CCDC3: variants seen among roughly 807,000 people sequenced by gnomAD.
CCDC3 encodes coiled-coil domain-containing protein 3.
A neutral mutation model predicts 21.4 loss-of-function variants in CCDC3; 24 were observed. That is an observed-to-expected ratio of 1.12 (90% CI 0.81 to 1.58). The LOEUF is 1.58. CCDC3 is among the 40% of genes most tolerant of loss of function. CCDC3 has a pLI of 0.00. For synonymous variants in CCDC3, 186 were observed against 166.0 expected (o/e 1.12, Z -0.93); for missense variants, 425 against 360.9 (o/e 1.18, Z -1.44).
At chr10:13,058,670 A>C in intron 4 of CCDC3, 1 of 498,552 alleles carries the variant, frequency 2.0e-6, no homozygotes, top group Middle Eastern at 6.0e-4. Context: ...ACTTTAACAA[A>C]CCCCACCCTG....
chr10:13,010,426 C>G (rs1835970875), intron 5 of CCDC3, among the ~76,000 whole-genome samples: 1 of 152,136 alleles, frequency 6.6e-6, no homozygotes, highest in Non-Finnish European at 1.5e-5. Flanking sequence ...TGAGATACTC[C>G]TACACATCTA....
At chr10:13,074,698 G>A (rs1283147035) in intron 3 of CCDC3, among the ~76,000 whole-genome samples, 1 of 151,546 alleles carries the variant, frequency 6.6e-6, no homozygotes, top group Non-Finnish European at 1.5e-5. Flanking sequence ...GCACAAATAC[G>A]CGTGCACACA....
chr10:12,955,443 T>G (rs1431659683), intron 2 of CCDC3, among the ~76,000 whole-genome samples: 1 of 152,242 alleles, frequency 6.6e-6, no homozygotes, highest in East Asian at 1.9e-4. Flanking sequence ...TTTCCAGGCC[T>G]GCCCACAGTT....
chr10:12,944,233 C>T (rs1481841743), intron 2 of CCDC3, among the ~76,000 whole-genome samples: 1 of 152,210 alleles, frequency 6.6e-6, no homozygotes, highest in African/African-American at 2.4e-5. Context: ...CCTTCCCTTA[C>T]TAGAGTCTGA....
At chr10:12,982,496 A>C (rs1272807387) in intron 2 of CCDC3, among the ~76,000 whole-genome samples, 1 of 151,978 alleles carries the variant, frequency 6.6e-6, no homozygotes, top group Non-Finnish European at 1.5e-5. Flanking sequence ...TTTTTACCAT[A>C]ATTAAAAAAA....
At chr10:12,963,374 C>T (rs2580884) in intron 2 of CCDC3, among the ~76,000 whole-genome samples, 149,969 of 152,244 alleles carry the variant, frequency 0.99, 73,915 homozygotes, top group Middle Eastern at 1. Flanking sequence ...TTGAGACTTA[C>T]CAAATCCACA....
At chr10:13,020,303 A>G (rs1039899552) in intron 5 of CCDC3, among the ~76,000 whole-genome samples, 1 of 152,226 alleles carries the variant, frequency 6.6e-6, no homozygotes, top group East Asian at 1.9e-4. Flanking sequence ...ATTCCCATGA[A>G]TTCTAAATTG....
rs775011199 is a variant in CCDC3 at position 12,998,403 on chromosome 10, T to C, written c.484A>G (p.Asn162Asp). 1.2e-6 allele frequency: 2 copies of C among 1,614,106 alleles called. No individual in the cohort carries two copies. Among genetic ancestry groups the C allele is most frequent in the African/African-American group, 1.3e-5 (1 of 74,926 alleles). ...RMFSSLFQFS[N>D]CSQGQQLATF... ...GCCAGCTGCTGCCCTTGCGAACAGT[T>C]TGAAAACTGGAAAAGGCTAGAAAAC... Residue 162 changes from asparagine (N) to aspartate (D), a missense_variant, in exon 2 of 3, where the codon AAC becomes GAC. By Grantham distance (23) the Asn-to-Asp change is conservative (BLOSUM62 1). Transcript: ENST00000378825.
In CCDC3 at chr10:12,972,650, C is replaced by G. The variant is rs140801216; in HGVS notation, c.549+25688G>C. Among the ~76,000 whole-genome samples the G allele has an allele frequency of 2.9e-3, 443 of 152,264 alleles. 9 individuals are homozygous for G. The East Asian group carries it at 0.047, about 16-fold the overall frequency. ...TGACCAACATGGTGAAACCCCGTCT[C>G]TACTAAAAATTCAAAACTTAGCTCA... On this transcript the variant is annotated intron_variant, in intron 2 of 2. Transcript: ENST00000378825.
Position 12,986,290 on chromosome 10 carries a change from A to T in CCDC3, c.549+12048T>A, listed in dbSNP as rs146265350. On this transcript the variant is annotated intron_variant, in intron 2 of 2. Coordinates refer to ENST00000378825, the MANE Select transcript of CCDC3 (RefSeq NM_031455.4). ...AAATGAGTGCCTGTGTAATGACTGAATACTAACATCTGAATAAACTCTGCA... is the reference window on the plus strand; with the variant it reads ...AAATGAGTGCCTGTGTAATGACTGATTACTAACATCTGAATAAACTCTGCA... Among the ~76,000 whole-genome samples, 42 of 152,318 alleles carry T rather than the reference A, an allele frequency of 2.8e-4. No individual in the cohort carries two copies. The East Asian group carries it at 5.4e-3, about 20-fold the overall frequency.
At chr10:13,031,576 C>T (rs974657425) in intron 5 of CCDC3, among the ~76,000 whole-genome samples, 2 of 151,684 alleles carry the variant, frequency 1.3e-5, no homozygotes, top group African/African-American at 4.8e-5. Context: ...TTGAAAAAAT[C>T]GACAAAATAG....
chr10:13,089,737 TAA>T (rs1190584937), intron 3 of CCDC3, among the ~76,000 whole-genome samples: 3 of 150,826 alleles, frequency 2.0e-5, no homozygotes, highest in African/African-American at 7.3e-5. Flanking sequence ...GTTACAGGGA[TAA>T]GTTTTTTACT....
chr10:13,040,136 G>A (rs1432080640), intron 5 of CCDC3, among the ~76,000 whole-genome samples: 1 of 152,094 alleles, frequency 6.6e-6, no homozygotes, highest in Non-Finnish European at 1.5e-5. Flanking sequence ...CAGGAAAGAT[G>A]GGCATGAGAG....
At chr10:13,063,827 C>A (rs995411057) in intron 4 of CCDC3, among the ~76,000 whole-genome samples, 1 of 152,168 alleles carries the variant, frequency 6.6e-6, no homozygotes, top group African/African-American at 2.4e-5. Context: ...TATGTTCTAG[C>A]TCTCTGCGAT....
intron 3 of CCDC3, among the ~76,000 whole-genome samples, chr10:13,088,408 G>A (rs1341837818): frequency 6.6e-6 from 1 of 152,228 alleles, no homozygotes; most frequent in Non-Finnish European, 1.5e-5. Flanking sequence ...ATAAACACAA[G>A]AAAGGGACGT....
chr10:13,001,151 G>C, intron 1 of CCDC3, 46 bp downstream of exon 1: 1 of 1,526,112 alleles, frequency 6.6e-7, no homozygotes, highest in Non-Finnish European at 8.8e-7. Context: ...ACCTCGGGAG[G>C]TGGCGCAGAG....
At chr10:12,987,799 G>A (rs576478191) in intron 2 of CCDC3, among the ~76,000 whole-genome samples, 4 of 152,200 alleles carry the variant, frequency 2.6e-5, no homozygotes, top group Non-Finnish European at 5.9e-5. Context: ...AGTGACAGCA[G>A]TGGTCTGTGA....
intron 2 of CCDC3, among the ~76,000 whole-genome samples, chr10:12,974,528 C>G (rs2248161): frequency 0.57 from 86,462 of 152,084 alleles, 24,599 homozygotes; most frequent in South Asian, 0.65. Context: ...TCTGTTCTAT[C>G]CACCTAAACT....
chr10:13,090,680 G>A (rs1832555399), intron 3 of CCDC3, among the ~76,000 whole-genome samples: 1 of 152,192 alleles, frequency 6.6e-6, no homozygotes, highest in South Asian at 2.1e-4. Context: ...AAATGTTTGT[G>A]TCCTCCCAAA....
Sources: gnomAD v4.1 joint callset for allele counts (sites outside exome capture counted in the v4.1 genomes callset) on GRCh38, gnomAD v4.1.1 for gene constraint, MANE v1.5 for transcripts, NCBI Gene and HGNC (gene_info 2026-07-23, HGNC 2026-07-21) for gene names.